Variants in FAM135B observed in about 807,000 individuals in gnomAD.
FAM135B encodes protein FAM135B.
A neutral mutation model predicts 127.7 loss-of-function variants in FAM135B; 43 were observed. The observed-to-expected ratio is 0.34, with a 90% confidence interval of 0.26 to 0.43. The LOEUF is 0.43. Among genes scored for constraint, FAM135B ranks in the 20% least tolerant of loss-of-function variants. The pLI is 1.00. For synonymous variants in FAM135B, 670 were observed against 665.1 expected, an observed-to-expected ratio of 1.01 and a Z score of -0.11; for missense variants, 1,558 against 1,725.6, an observed-to-expected ratio of 0.90 and a Z score of 1.72.
chr8:138,244,168 T>C (rs1821099104), intron 6 of FAM135B, among the ~76,000 whole-genome samples: 2 of 152,270 alleles, frequency 1.3e-5, no homozygotes, highest in East Asian at 3.9e-4. Flanking sequence ...GGTGCTACGA[T>C]GATAAGATGA....
At position 138,266,639 on chromosome 8, in the gene FAM135B, G is replaced by A. The variant is rs184899026; in HGVS notation, c.158-797C>T. ...TATGTATATATGTGTATATATATACGTATATATACATATATATATATTATT... is the reference window on the plus strand; with the variant it reads ...TATGTATATATGTGTATATATATACATATATATACATATATATATATTATT... On this transcript the variant is annotated intron_variant, in intron 3 of 19. Coordinates refer to ENST00000395297, the MANE Select transcript of FAM135B (RefSeq NM_015912.4). Among the ~76,000 whole-genome samples, 77 of 146,820 alleles carry A rather than the reference G, an allele frequency of 5.2e-4. No individual in the cohort carries two copies. The East Asian group carries it at 0.013, about 25-fold the overall frequency.
At chr8:138,256,385 C>T (rs1316847590) in intron 5 of FAM135B, among the ~76,000 whole-genome samples, 2 of 152,138 alleles carry the variant, frequency 1.3e-5, no homozygotes, top group Non-Finnish European at 2.9e-5. Flanking sequence ...CTAAAACCCC[C>T]AATTTCTATC....
intron 2 of FAM135B, among the ~76,000 whole-genome samples, chr8:138,364,448 A>T (rs1374450666): frequency 6.6e-6 from 1 of 152,178 alleles, no homozygotes; most frequent in East Asian, 1.9e-4. Context: ...CACCAAAACC[A>T]CGCTCAGACC....
chr8:138,230,781 G>C (rs777669898), intron 7 of FAM135B, among the ~76,000 whole-genome samples: 1 of 152,144 alleles, frequency 6.6e-6, no homozygotes, highest in Non-Finnish European at 1.5e-5. Flanking sequence ...AGAGGCCAAA[G>C]GGTTGATAAC....
At chr8:138,354,179 A>G (rs755190714) in intron 2 of FAM135B, among the ~76,000 whole-genome samples, 5 of 152,052 alleles carry the variant, frequency 3.3e-5, no homozygotes, top group African/African-American at 4.8e-5. Context: ...ACAATCAAGC[A>G]ACTCCCTTAC....
intron 1 of FAM135B, among the ~76,000 whole-genome samples, chr8:138,374,983 TAAC>T (rs58875296): frequency 0.025 from 3,695 of 150,356 alleles, 138 homozygotes; most frequent in African/African-American, 0.082. Flanking sequence ...CTGGGAAAAT[TAAC>T]AACAACAACA....
chr8:138,386,073 G>A (rs980997197), intron 1 of FAM135B, among the ~76,000 whole-genome samples: 7 of 151,526 alleles, frequency 4.6e-5, no homozygotes, highest in Non-Finnish European at 7.4e-5. Flanking sequence ...AAAAGTAGCT[G>A]GGCGTGGTGG....
At chr8:138,136,009 T>C (rs1192187022) in intron 19 of FAM135B, among the ~76,000 whole-genome samples, 1 of 152,120 alleles carries the variant, frequency 6.6e-6, no homozygotes, top group Non-Finnish European at 1.5e-5. Flanking sequence ...TCATAAATTA[T>C]GTAAATGAGT....
intron 1 of FAM135B, among the ~76,000 whole-genome samples, chr8:138,378,805 T>C (rs939040367): frequency 3.9e-5 from 6 of 152,198 alleles, no homozygotes; most frequent in African/African-American, 1.4e-4. Context: ...CTGTTTTCTT[T>C]GAGATTCTAT....
chr8:138,240,339 T>C (rs1820653491), intron 7 of FAM135B, among the ~76,000 whole-genome samples: 1 of 152,140 alleles, frequency 6.6e-6, no homozygotes, highest in Admixed American at 6.5e-5. Context: ...TGAAATGGTC[T>C]ATCATGTGTG....
intron 1 of FAM135B, among the ~76,000 whole-genome samples, chr8:138,482,683 G>A (rs1175836631): frequency 6.6e-6 from 1 of 152,042 alleles, no homozygotes; most frequent in East Asian, 1.9e-4. Context: ...CCATTAGGTA[G>A]ACATATTGTT....
rs1019573848 is a variant in FAM135B at position 138,241,898 on chromosome 8, T to C, written c.669+1044A>G. 1.3e-5 allele frequency among the ~76,000 whole-genome samples: 2 copies of C among 152,128 alleles called. No homozygotes were observed. The highest frequency in any genetic ancestry group is 2.9e-5 in the Non-Finnish European group (2 of 68,028). ...ACATGAATAGGCCTTATCCAATCCATTGAGGGCCTGAATAGGACAAAAAGA... is the reference window on the plus strand; with the variant it reads ...ACATGAATAGGCCTTATCCAATCCACTGAGGGCCTGAATAGGACAAAAAGA... On this transcript the variant is annotated intron_variant, in intron 7 of 19. Transcript: ENST00000395297. The surrounding 1 kb of genome is among the most constrained non-coding windows in gnomAD (Gnocchi z 4.8).
At chr8:138,421,904 C>A (rs573436938) in intron 1 of FAM135B, among the ~76,000 whole-genome samples, 2 of 152,054 alleles carry the variant, frequency 1.3e-5, no homozygotes, top group Non-Finnish European at 2.9e-5. Context: ...CTACAGAAAC[C>A]AAAACAGCAT....
chr8:138,163,231 A>G (rs1354644848), intron 12 of FAM135B, among the ~76,000 whole-genome samples: 1 of 152,156 alleles, frequency 6.6e-6, no homozygotes, highest in Non-Finnish European at 1.5e-5. Flanking sequence ...CACACGGTTA[A>G]TAATTGTTAG....
chr8:138,203,718 G>A (rs983321154), intron 7 of FAM135B, among the ~76,000 whole-genome samples: 1 of 152,096 alleles, frequency 6.6e-6, no homozygotes, highest in Non-Finnish European at 1.5e-5. Context: ...AAGGTATGGG[G>A]GATGGTTTTG....
At chr8:138,183,696 T>C (rs779414557) in intron 9 of FAM135B, among the ~76,000 whole-genome samples, 20 of 152,198 alleles carry the variant, frequency 1.3e-4, no homozygotes, top group Non-Finnish European at 2.8e-4. Flanking sequence ...TGCAAGTGCA[T>C]CCACTTACAT....
At position 138,250,885 on chromosome 8, in the gene FAM135B, C is replaced by A; in HGVS notation, c.498G>T (p.Val166=). The stretch of plus-strand genomic sequence containing the variant: ...GAGCCACCAGGGCAGCATGGACGGT[C>A]ACCGAGATCACAGACAGGTGGAAAT... The part of the protein sequence containing the change: ...FDYFHLSVIS[V]TVHAALVALQ... The change falls in exon 6 of 20, where the codon GTG becomes GTT. Residue 166 remains valine, a synonymous_variant. Transcript: ENST00000395297. The A allele has an allele frequency of 6.2e-7, 1 of 1,613,906 alleles. No homozygotes were observed. Among genetic ancestry groups the A allele is most frequent in the South Asian group, 1.1e-5 (1 of 91,062 alleles).
Position 138,226,184 on chromosome 8 carries a change from T to TGTGTGTGTGTGTGCGCGCGCGCGCGC in FAM135B, c.669+16757_669+16758insGCGCGCGCGCGCGCACACACACACAC. ...GTGTGTGTGTGTGTGTGTGTGTGTG[T>TGTGTGTGTGTGTGCGCGCGCGCGCGC]GCGCGCATGTCATTTTTTTTTTCAT... is the stretch of plus-strand genomic sequence containing the variant. On this transcript the variant is annotated intron_variant, in intron 7 of 19. Coordinates refer to ENST00000395297, the MANE Select transcript of FAM135B (RefSeq NM_015912.4). 1.0e-3 allele frequency among the ~76,000 whole-genome samples: 143 copies of TGTGTGTGTGTGTGCGCGCGCGCGCGC among 139,270 alleles called. 1 individual carries two copies. Among genetic ancestry groups the TGTGTGTGTGTGTGCGCGCGCGCGCGC allele is most frequent in the Middle Eastern group, 3.7e-3 (1 of 272 alleles). The allele number at this position is 139,270 out of a possible 152,430, so 91.4% of individuals were successfully genotyped here. A position where few individuals can be genotyped will look rare whatever the true frequency, so the allele number is the denominator to read the frequency against.
At chr8:138,147,271 C>T (rs1377737678) in intron 14 of FAM135B, among the ~76,000 whole-genome samples, 1 of 135,242 alleles carries the variant, frequency 7.4e-6, no homozygotes, top group Non-Finnish European at 1.6e-5. Context: ...ATGCCAGGGC[C>T]TGCCTTAGGA....
Sources: allele counts gnomAD v4.1 joint callset (sites outside exome capture counted in the v4.1 genomes callset), GRCh38; gene constraint gnomAD v4.1.1; non-coding constraint Gnocchi (gnomAD v3.1); transcripts MANE v1.5; gene names NCBI Gene and HGNC (gene_info 2026-07-23, HGNC 2026-07-21).